Variants in CD44 observed in about 807,000 individuals in gnomAD.
The protein encoded by CD44 is CD44 antigen.
A neutral mutation model predicts 88.8 loss-of-function variants in CD44; 49 were observed. That is an observed-to-expected ratio of 0.55 (90% CI 0.44 to 0.70). The LOEUF is 0.70. CD44 is among the 30% of genes least tolerant of loss of function. The pLI, the probability that CD44 is intolerant of heterozygous loss-of-function variation, is 0.00. For missense variants in CD44, 883 were observed against 913.8 expected (o/e 0.97, Z 0.43); for synonymous variants, 325 against 312.3 (o/e 1.04, Z -0.43).
At chr11:35,184,139 AT>A (rs146712997) in intron 3 of CD44, among the ~76,000 whole-genome samples, 2,316 of 152,288 alleles carry the variant, frequency 0.015, 82 homozygotes, top group African/African-American at 0.053. Flanking sequence ...AAGAAAGGCT[AT>A]CTAATAAGGC....
At chr11:35,181,781 T>TAA (rs1265118023) in intron 3 of CD44, among the ~76,000 whole-genome samples, 13 of 101,390 alleles carry the variant, frequency 1.3e-4, no homozygotes, top group African/African-American at 5.2e-4. Flanking sequence ...TATATTTATT[T>TAA]ATATAAATTT....
intron 2 of CD44, among the ~76,000 whole-genome samples, chr11:35,178,413 G>A (rs1030286194): frequency 6.6e-6 from 1 of 152,174 alleles, no homozygotes; most frequent in African/African-American, 2.4e-5. Context: ...TATGGATGAA[G>A]CAGCCGAGGC....
chr11:35,151,877 T>C (rs1860390705), intron 1 of CD44, among the ~76,000 whole-genome samples: 1 of 152,222 alleles, frequency 6.6e-6, no homozygotes, highest in South Asian at 2.1e-4. Context: ...TCTTCCCATT[T>C]ACCCACATGA....
At chr11:35,180,638 C>T (rs568947091) in intron 3 of CD44, among the ~76,000 whole-genome samples, 1 of 152,298 alleles carries the variant, frequency 6.6e-6, no homozygotes, top group Admixed American at 6.5e-5. Context: ...AATCTTTTGG[C>T]TTCCCTAGGT....
At chr11:35,203,866 A>G (rs1947556278) in intron 9 of CD44, among the ~76,000 whole-genome samples, 1 of 152,222 alleles carries the variant, frequency 6.6e-6, no homozygotes, top group African/African-American at 2.4e-5. Context: ...TATTATTTAT[A>G]TAATGCCTCA....
At chr11:35,180,466 G>T in intron 3 of CD44, 59 bp downstream of exon 3, 1 of 1,598,562 alleles carries the variant, frequency 6.3e-7, no homozygotes. Flanking sequence ...GGTCTTTGGA[G>T]CTCAGCTTAA....
intron 1 of CD44, among the ~76,000 whole-genome samples, chr11:35,174,017 A>C (rs995781711): frequency 6.6e-6 from 1 of 152,212 alleles, no homozygotes; most frequent in Non-Finnish European, 1.5e-5. Context: ...TAATACATAC[A>C]TACATAAAAC....
chr11:35,206,162 C>T lies in CD44; in HGVS notation c.1333C>T (p.Pro445Ser). 6.2e-7 allele frequency: 1 copy of T among 1,612,202 alleles called. No homozygotes were observed. The highest frequency in any genetic ancestry group is 8.5e-7 in the Non-Finnish European group (1 of 1,179,056). Reference protein sequence around the residue: ...HPMQGRTTPSPEDSSWTDFFN... With the variant: ...HPMQGRTTPSSEDSSWTDFFN... ...AATGCAAGGAAGGACAACACCAAGC[C>T]CAGAGGACAGTTCCTGGACTGATTT... The change falls in exon 11 of 18, where the codon CCA (proline) becomes TCA (serine). Residue 445 changes from proline (P) to serine (S), a missense_variant. By Grantham distance (74) the Pro-to-Ser change is moderately conservative. Transcript: ENST00000428726.
chr11:35,181,518 T>G (rs1263420767), intron 3 of CD44, among the ~76,000 whole-genome samples: 2 of 151,266 alleles, frequency 1.3e-5, no homozygotes, highest in African/African-American at 2.4e-5. Context: ...AGGTTTGAAG[T>G]TGGGTGAAGG....
At chr11:35,191,090 T>C (rs948105246) in intron 5 of CD44, among the ~76,000 whole-genome samples, 2 of 152,214 alleles carry the variant, frequency 1.3e-5, no homozygotes, top group Non-Finnish European at 2.9e-5. Flanking sequence ...GCGGTTTTCC[T>C]AGTATGGTGT....
chr11:35,181,290 A>C (rs1160363661), intron 3 of CD44, among the ~76,000 whole-genome samples: 1 of 152,196 alleles, frequency 6.6e-6, no homozygotes, highest in African/African-American at 2.4e-5. Context: ...ATGCTAGGAC[A>C]CAGGCCAGCC....
At chr11:35,207,557 C>G (rs139033082) in intron 11 of CD44, among the ~76,000 whole-genome samples, 1 of 152,208 alleles carries the variant, frequency 6.6e-6, no homozygotes, top group Non-Finnish European at 1.5e-5. Flanking sequence ...AATTCAATGA[C>G]GTCCACTGCT....
chr11:35,178,673 A>G (rs1340847057), intron 2 of CD44, among the ~76,000 whole-genome samples: 1 of 152,230 alleles, frequency 6.6e-6, no homozygotes, highest in African/African-American at 2.4e-5. Flanking sequence ...CCGGTAGGCA[A>G]CATGAGGTGG....
chr11:35,194,677 A>T (rs1221996866), intron 5 of CD44, among the ~76,000 whole-genome samples: 1 of 152,200 alleles, frequency 6.6e-6, no homozygotes, highest in Admixed American at 6.5e-5. Flanking sequence ...CACTTCATAT[A>T]TCAGAAAGGC....
intron 17 of CD44, among the ~76,000 whole-genome samples, chr11:35,224,439 T>C (rs1157162509): frequency 3.9e-5 from 6 of 152,114 alleles, no homozygotes; most frequent in Admixed American, 3.9e-4. Flanking sequence ...GATTTTCCTT[T>C]AAAGAATCTA....
At chr11:35,183,550 TC>T (rs563545630) in intron 3 of CD44, among the ~76,000 whole-genome samples, 116 of 152,084 alleles carry the variant, frequency 7.6e-4, no homozygotes, top group African/African-American at 2.7e-3. Flanking sequence ...AGTGCTGTGA[TC>T]CCCCCCATAA....
chr11:35,224,867 G>A (rs1483839237), intron 17 of CD44, among the ~76,000 whole-genome samples: 2 of 152,104 alleles, frequency 1.3e-5, no homozygotes, highest in Non-Finnish European at 2.9e-5. Context: ...GGGAATAATC[G>A]TCTTTTCTAT....
chr11:35,171,470 G>A (rs151083824), intron 1 of CD44, among the ~76,000 whole-genome samples: 19 of 152,324 alleles, frequency 1.2e-4, no homozygotes, highest in African/African-American at 4.3e-4. Flanking sequence ...TACCTACAAT[G>A]TGTCAGAACC....
At chr11:35,184,694 T>C (rs1945480935) in intron 3 of CD44, among the ~76,000 whole-genome samples, 1 of 152,234 alleles carries the variant, frequency 6.6e-6, no homozygotes, top group Non-Finnish European at 1.5e-5. Flanking sequence ...AGAAACATGC[T>C]CATCTTCTTT....
Sources: gnomAD v4.1 joint callset for allele counts (sites outside exome capture counted in the v4.1 genomes callset) on GRCh38, gnomAD v4.1.1 for gene constraint, MANE v1.5 for transcripts, NCBI Gene and HGNC (gene_info 2026-07-23, HGNC 2026-07-21) for gene names.